The following WDFY4 variants were observed in gnomAD, a reference collection of about 807,000 sequenced individuals.
WDFY4 encodes the protein WDFY family member 4.
A neutral mutation model predicts 351.9 loss-of-function variants in WDFY4; 169 were observed. That is an observed-to-expected ratio of 0.48 (90% confidence interval 0.42 to 0.55). WDFY4 has a LOEUF of 0.55. Among genes scored for constraint, WDFY4 ranks in the 20% least tolerant of loss-of-function variants. The pLI is 0.00. For missense variants in WDFY4, 3,803 were observed against 3,935.6 expected (o/e 0.97, Z 0.90); for synonymous variants, 1,622 against 1,574.6 (o/e 1.03, Z -0.71).
intron 47 of WDFY4, among the ~76,000 whole-genome samples, chr10:48,904,248 A>C (rs1014349504): frequency 1.3e-5 from 2 of 152,280 alleles, no homozygotes; most frequent in East Asian, 3.9e-4. Flanking sequence ...GGGTCGCTGG[A>C]GTTGGGGTGG....
chr10:48,847,949 C>A (rs919058811), intron 39 of WDFY4, among the ~76,000 whole-genome samples: 1 of 151,866 alleles, frequency 6.6e-6, no homozygotes, highest in Non-Finnish European at 1.5e-5. Context: ...CCGCTCGGAG[C>A]GCCAGTTGTT....
chr10:48,834,764 C>T (rs1338918503), intron 39 of WDFY4, among the ~76,000 whole-genome samples: 1 of 152,216 alleles, frequency 6.6e-6, no homozygotes, highest in African/African-American at 2.4e-5. Flanking sequence ...CTCATGGGAA[C>T]CCTCACACCT....
intron 46 of WDFY4, among the ~76,000 whole-genome samples, chr10:48,900,859 A>G (rs1382744103): frequency 1.3e-5 from 2 of 152,190 alleles, no homozygotes; most frequent in African/African-American, 4.8e-5. Flanking sequence ...TTTTATTACC[A>G]TTAAAGTTAT....
intron 35 of WDFY4, chr10:48,823,284 C>G: frequency 7.7e-7 from 1 of 1,293,334 alleles, no homozygotes; most frequent in East Asian, 5.6e-5. Context: ...TTCAAGTTGT[C>G]CCACCCAGGG....
At chr10:48,927,338 C>T (rs909256721) in intron 47 of WDFY4, among the ~76,000 whole-genome samples, 15 of 152,192 alleles carry the variant, frequency 9.9e-5, no homozygotes, top group Non-Finnish European at 2.1e-4. Context: ...GCAACACTCT[C>T]CTTTGTGGTA....
chr10:48,936,665 G>A lies in WDFY4; in HGVS notation c.7587-5141G>A, dbSNP rs554158911. On this transcript the variant is annotated intron_variant, in intron 47 of 61. Coordinates refer to ENST00000325239, the MANE Select transcript of WDFY4 (RefSeq NM_001394531.1). ...ATCCCGGCTAACACAGTGAAACCCCGTCTCTACTAAAAATACAAAAACATT... is the reference window on the plus strand; with the variant it reads ...ATCCCGGCTAACACAGTGAAACCCCATCTCTACTAAAAATACAAAAACATT... Among the ~76,000 whole-genome samples the A allele has an allele frequency of 4.4e-3, 673 of 151,572 alleles. 12 individuals carry two copies. Among genetic ancestry groups the A allele is most frequent in the African/African-American group, 0.016 (644 of 41,394 alleles).
intron 47 of WDFY4, among the ~76,000 whole-genome samples, chr10:48,933,435 C>T (rs1030913766): frequency 1.3e-5 from 2 of 152,224 alleles, no homozygotes; most frequent in Admixed American, 1.3e-4. Flanking sequence ...CTTTTCCATA[C>T]AAGCTTGGCT....
chr10:48,942,553 A>G (rs1840833781), intron 48 of WDFY4, among the ~76,000 whole-genome samples: 3 of 152,338 alleles, frequency 2.0e-5, no homozygotes, highest in Admixed American at 2.0e-4. Flanking sequence ...CAGCCTGGAC[A>G]AGTTGACATT....
chr10:48,928,046 T>G (rs531990429), intron 47 of WDFY4, among the ~76,000 whole-genome samples: 1 of 152,206 alleles, frequency 6.6e-6, no homozygotes, highest in Non-Finnish European at 1.5e-5. Context: ...GAGCAGTGAT[T>G]CCATTCCACC....
chr10:48,832,933 C>T lies in WDFY4; in HGVS notation c.6663+224C>T, dbSNP rs114567148. ...TGGAGTCAGATGTATTCAGAGGGCA[C>T]TAGCCCACCACTCAGCAGCAGCTAG... On this transcript the variant is annotated intron_variant, in intron 39 of 61. Coordinates refer to ENST00000325239, the MANE Select transcript of WDFY4 (RefSeq NM_001394531.1). Among the ~76,000 whole-genome samples the T allele has an allele frequency of 3.2e-3, 488 of 152,290 alleles. 3 individuals carry two copies. The highest frequency in any genetic ancestry group is 0.011 in the African/African-American group (463 of 41,554).
chr10:48,852,067 C>A (rs2133179244), intron 39 of WDFY4, among the ~76,000 whole-genome samples: 1 of 152,336 alleles, frequency 6.6e-6, no homozygotes, highest in South Asian at 2.1e-4. Context: ...TGAATCTGTC[C>A]CTGCTTGATG....
intron 51 of WDFY4, among the ~76,000 whole-genome samples, chr10:48,947,837 T>C (rs1365974500): frequency 6.6e-6 from 1 of 152,146 alleles, no homozygotes; most frequent in African/African-American, 2.4e-5. Context: ...ACAGGGAGTA[T>C]GGGCTGCCCT....
intron 11 of WDFY4, 153 bp downstream of exon 11, chr10:48,736,223 T>G (rs41282001): frequency 0.11 from 92,936 of 815,268 alleles, 7,282 homozygotes; most frequent in East Asian, 0.36. Context: ...CTGTAACAAA[T>G]AAATCCCATA....
intron 42 of WDFY4, 67 bp downstream of exon 42, chr10:48,875,207 T>G: frequency 1.1e-6 from 1 of 911,572 alleles, no homozygotes; most frequent in South Asian, 3.4e-5. Context: ...AATATTTTAT[T>G]AAAGATATTA....
intron 1 of WDFY4, among the ~76,000 whole-genome samples, chr10:48,686,859 G>T (rs2063064157): frequency 6.6e-6 from 1 of 152,136 alleles, no homozygotes; most frequent in Non-Finnish European, 1.5e-5. Context: ...ATGTGTGCAA[G>T]AATTTATCTT....
At chr10:48,952,314 G>T (rs1841366538) in intron 51 of WDFY4, among the ~76,000 whole-genome samples, 1 of 152,200 alleles carries the variant, frequency 6.6e-6, no homozygotes, top group South Asian at 2.1e-4. Context: ...CCTACCCAAT[G>T]CAGCCAGGGC....
intron 42 of WDFY4, among the ~76,000 whole-genome samples, chr10:48,876,552 GGT>G (rs2133301017): frequency 6.6e-6 from 1 of 152,214 alleles, no homozygotes; most frequent in Admixed American, 6.5e-5. Context: ...ACTATCTCTG[GGT>G]GCATGGGTGA....
intron 61 of WDFY4, among the ~76,000 whole-genome samples, 175 bp from the exon 62 acceptor site, chr10:48,982,334 C>T (rs1037268877): frequency 7.9e-5 from 12 of 152,118 alleles, no homozygotes; most frequent in African/African-American, 2.9e-4. Context: ...TCCCCTCCCC[C>T]AGGTGGAAAC....
chr10:48,727,346 T>G, intron 6 of WDFY4, 124 bp from the exon 7 acceptor site: 1 of 1,004,854 alleles, frequency 1.0e-6, no homozygotes, highest in Non-Finnish European at 1.4e-6. Context: ...CAGCAGAACA[T>G]GTTTTGGATT....
Sources: gnomAD v4.1 joint callset for allele counts (sites outside exome capture counted in the v4.1 genomes callset) on GRCh38, gnomAD v4.1.1 for gene constraint, MANE v1.5 for transcripts, NCBI Gene and HGNC (gene_info 2026-07-23, HGNC 2026-07-21) for gene names.